KAT14: variants seen among roughly 807,000 people sequenced by gnomAD.
KAT14 encodes cysteine-rich protein 2-binding protein.
Under a neutral mutation model 78.4 loss-of-function variants are expected in KAT14, and 66 were observed. The observed-to-expected ratio is 0.84, with a 90% confidence interval of 0.69 to 1.03. The LOEUF (loss-of-function observed/expected upper bound fraction) is 1.03, where lower values mean the gene tolerates loss of function less well. Among genes scored for constraint, KAT14 ranks in the 50% least tolerant of loss-of-function variants. The probability of loss-of-function intolerance (pLI) is 0.00; values close to 1 mark genes in which losing one functional copy is unlikely to be tolerated. For missense variants in KAT14, 870 were observed against 972.5 expected, an observed-to-expected ratio of 0.89 and a Z score of 1.40; for synonymous variants, 344 against 359.4, an observed-to-expected ratio of 0.96 and a Z score of 0.48.
chr20:18,151,188 CTTAT>C (rs542293023), intron 4 of KAT14, among the ~76,000 whole-genome samples: 6 of 151,444 alleles, frequency 4.0e-5, no homozygotes, highest in Admixed American at 6.6e-5. Flanking sequence ...ACATGCCTGG[CTTAT>C]TTATTTATTT....
intron 4 of KAT14, among the ~76,000 whole-genome samples, chr20:18,151,833 A>C (rs897201729): frequency 2.0e-5 from 3 of 151,432 alleles, no homozygotes; most frequent in Admixed American, 6.6e-5. Context: ...GTGAAACCCC[A>C]TCTCTACTAA....
chr20:18,137,757 A>G, upstream of KAT14: 1 of 491,034 alleles, frequency 2.0e-6, no homozygotes, highest in Non-Finnish European at 3.4e-6. Flanking sequence ...AGTGAAGCCA[A>G]GAGTTCGTAG....
Position 18,162,779 on chromosome 20 carries a change from G to A in KAT14, c.1502G>A (p.Arg501Lys). 2 of 1,614,222 alleles carry A rather than the reference G, an allele frequency of 1.2e-6. No individual in the cohort carries two copies. The highest frequency in any genetic ancestry group is 1.7e-6 in the Non-Finnish European group (2 of 1,180,042). The stretch of plus-strand genomic sequence containing the variant: ...AAACTGATTGTCAGACAAGCGAAAA[G>A]GGATAGGGGATTACCACTTTTTGAC... ...KRKLIVRQAK[R>K]DRGLPLFDLD... Residue 501 changes from arginine to lysine, a missense_variant, in exon 7 of 11, where the codon AGG (arginine) becomes AAG (lysine). Arg to Lys is a conservative substitution (Grantham distance 26). Transcript: ENST00000688188.
At chr20:18,175,274 G>C (rs939783070) in intron 7 of KAT14, among the ~76,000 whole-genome samples, 1 of 152,028 alleles carries the variant, frequency 6.6e-6, no homozygotes, top group Non-Finnish European at 1.5e-5. Context: ...GATGCTCAGG[G>C]GCTGCCCAGA....
At chr20:18,156,192 TCA>T (rs2146401483) in intron 4 of KAT14, among the ~76,000 whole-genome samples, 1 of 152,210 alleles carries the variant, frequency 6.6e-6, no homozygotes, top group South Asian at 2.1e-4. Context: ...GTAGTGAAAA[TCA>T]CAGATACAGA....
intron 1 of KAT14, among the ~76,000 whole-genome samples, chr20:18,140,407 A>G (rs994383677): frequency 9.2e-5 from 14 of 152,208 alleles, no homozygotes; most frequent in Non-Finnish European, 1.5e-5. Flanking sequence ...TAGGTATTAT[A>G]TTAGGTGAGT....
rs1219855747 is a variant in KAT14, at chr20:18,142,832, T to G, written c.172T>G (p.Ser58Ala). The change falls in exon 2 of 11, where the codon TCC (serine) becomes GCC (alanine). Residue 58 changes from serine (S) to alanine (A), a missense_variant. Transcript: ENST00000688188. Reference sequence around the variant, plus strand: ...CTTATCGCACGACCAGAGTGGGGATTCCCTCAACAGTGATGAAGGAGACGT... The same window carrying G: ...CTTATCGCACGACCAGAGTGGGGATGCCCTCAACAGTGATGAAGGAGACGT... ...VDLSHDQSGD[S>A]LNSDEGDVSW... 6.2e-7 allele frequency: 1 copy of G among 1,614,170 alleles called. No individual in the cohort carries two copies.
intron 3 of KAT14, among the ~76,000 whole-genome samples, chr20:18,146,310 G>C (rs1205219): frequency 0.16 from 23,650 of 151,482 alleles, 2,142 homozygotes; most frequent in Non-Finnish European, 0.2. Flanking sequence ...AGGCGGAGGC[G>C]GCCAGATCAC....
chr20:18,181,400 G>T (rs572035313), intron 7 of KAT14, among the ~76,000 whole-genome samples: 1 of 124,376 alleles, frequency 8.0e-6, no homozygotes, highest in Non-Finnish European at 1.6e-5. Flanking sequence ...ACGGAGTCTC[G>T]CTCTATCGCC....
intron 1 of KAT14, among the ~76,000 whole-genome samples, chr20:18,139,482 G>T (rs547589581): frequency 6.6e-6 from 1 of 152,270 alleles, no homozygotes; most frequent in East Asian, 1.9e-4. Context: ...CCCCACCCCA[G>T]ACCATTTAAA....
At chr20:18,137,554 A>G (rs1253526969), upstream of KAT14, among the ~76,000 whole-genome samples, 1 of 152,108 alleles carries the variant, frequency 6.6e-6, no homozygotes, top group African/African-American at 2.4e-5. Flanking sequence ...CTCAGAAGGG[A>G]CGTCTGTGGG....
At chr20:18,149,187 CAAT>C (rs926589946) in intron 3 of KAT14, among the ~76,000 whole-genome samples, 1 of 152,086 alleles carries the variant, frequency 6.6e-6, no homozygotes, top group African/African-American at 2.4e-5. Context: ...ATTTATTGAG[CAAT>C]AATTATTTTT....
intron 7 of KAT14, among the ~76,000 whole-genome samples, chr20:18,165,292 G>C (rs980538508): frequency 1.3e-5 from 2 of 152,166 alleles, no homozygotes; most frequent in African/African-American, 4.8e-5. Context: ...AAGTTTCCTG[G>C]AGAAGATAAG....
At chr20:18,143,048 T>C (rs1284594359) in intron 2 of KAT14, 129 bp downstream of exon 2, 2 of 1,441,344 alleles carry the variant, frequency 1.4e-6, no homozygotes, top group East Asian at 5.0e-5. Context: ...CTCTAGTTGA[T>C]CAGCTATAAA....
At position 18,145,296 on chromosome 20, in the gene KAT14, A is replaced by G. The variant is rs1416136238; in HGVS notation, c.323A>G (p.Asp108Gly). The G allele has an allele frequency of 2.5e-6, 4 of 1,614,044 alleles. No homozygotes were observed. The highest frequency in any genetic ancestry group is 3.4e-6 in the Non-Finnish European group (4 of 1,180,042). Residue 108 changes from aspartate (D) to glycine (G), a missense_variant, in exon 3 of 11, where the codon GAT becomes GGT. Asp to Gly is a moderately conservative substitution (Grantham distance 94). Coordinates refer to ENST00000688188, the MANE Select transcript of KAT14 (RefSeq NM_001392073.1). ...AATTTTTTTAGGTTTACTTGTTCGG[A>G]TTGCTCAGCAGATGGCAAGGAGCAG... The part of the protein sequence containing the change: ...GDNFFRFTCS[D>G]CSADGKEQYE...
intron 1 of KAT14, chr20:18,138,344 C>G: frequency 9.1e-7 from 1 of 1,104,140 alleles, no homozygotes; most frequent in South Asian, 4.3e-5. Flanking sequence ...AGGCACGGCA[C>G]GCAAGCTTTT....
intron 4 of KAT14, among the ~76,000 whole-genome samples, chr20:18,151,369 G>T (rs2038033196): frequency 6.6e-6 from 1 of 151,914 alleles, no homozygotes; most frequent in South Asian, 2.1e-4. Context: ...GCTAATTTTT[G>T]TATTTTTAGT....
chr20:18,166,064 TTAGAAA>T (rs577082732), intron 7 of KAT14, among the ~76,000 whole-genome samples: 2 of 152,154 alleles, frequency 1.3e-5, no homozygotes, highest in Non-Finnish European at 2.9e-5. Flanking sequence ...ACCAAAATTG[TTAGAAA>T]TAGATAATCG....
intron 2 of KAT14, among the ~76,000 whole-genome samples, chr20:18,144,753 A>G (rs150737775): frequency 2.6e-5 from 4 of 152,322 alleles, no homozygotes; most frequent in Admixed American, 1.3e-4. Context: ...GGTGATTCCA[A>G]TGCACTGTGA....
Sources: allele counts gnomAD v4.1 joint callset (sites outside exome capture counted in the v4.1 genomes callset), GRCh38; gene constraint gnomAD v4.1.1; transcripts MANE v1.5; gene names NCBI Gene and HGNC (gene_info 2026-07-23, HGNC 2026-07-21).